The following PPP1R12A variants were observed in gnomAD, a reference collection of about 807,000 sequenced individuals.
PPP1R12A encodes myosin binding subunit.
In PPP1R12A, 19 loss-of-function variants were observed where a neutral mutation model predicts 139.6. That is an observed-to-expected ratio of 0.14 (90% CI 0.09 to 0.20). The LOEUF (loss-of-function observed/expected upper bound fraction) is 0.20. Among genes scored for constraint, PPP1R12A ranks in the 10% least tolerant of loss-of-function variants. The pLI, the probability that PPP1R12A is intolerant of heterozygous loss-of-function variation, is 1.00. For missense variants in PPP1R12A, 925 were observed against 1,211.5 expected (o/e 0.76, Z 3.51); for synonymous variants, 427 against 420.6 (o/e 1.02, Z -0.19).
intron 3 of PPP1R12A, among the ~76,000 whole-genome samples, chr12:79,842,051 C>G (rs1320836534): frequency 6.6e-6 from 1 of 151,774 alleles, no homozygotes; most frequent in East Asian, 1.9e-4. Flanking sequence ...TAGATGCGGT[C>G]GCTCATGCCT....
intron 1 of PPP1R12A, among the ~76,000 whole-genome samples, chr12:79,899,068 T>C (rs1885387918): frequency 6.6e-6 from 1 of 152,022 alleles, no homozygotes; most frequent in Non-Finnish European, 1.5e-5. Flanking sequence ...TCCACAGTCA[T>C]TTATTTACAC....
intron 1 of PPP1R12A, among the ~76,000 whole-genome samples, chr12:79,898,844 CCTT>C (rs1406941519): frequency 6.6e-6 from 1 of 152,182 alleles, no homozygotes; most frequent in African/African-American, 2.4e-5. Context: ...TCTTTTCCAT[CCTT>C]CTACATCCTA....
chr12:79,932,400 T>C (rs1888319301), intron 1 of PPP1R12A, among the ~76,000 whole-genome samples: 1 of 152,136 alleles, frequency 6.6e-6, no homozygotes, highest in Admixed American at 6.5e-5. Context: ...AGTTGATAAA[T>C]AAGAAATGAG....
intron 1 of PPP1R12A, among the ~76,000 whole-genome samples, chr12:79,897,581 G>GA (rs908308922): frequency 3.3e-5 from 5 of 151,536 alleles, no homozygotes; most frequent in Admixed American, 6.6e-5. Flanking sequence ...CAAAACAAAA[G>GA]AAAAAAAACA....
At chr12:79,923,822 C>G (rs988373734) in intron 1 of PPP1R12A, among the ~76,000 whole-genome samples, 2 of 152,154 alleles carry the variant, frequency 1.3e-5, no homozygotes, top group Non-Finnish European at 2.9e-5. Context: ...GCGAGTGGAT[C>G]ACCTGAGGTC....
At chr12:79,806,090 C>A in intron 13 of PPP1R12A, 76 bp downstream of exon 13, 1 of 1,472,946 alleles carries the variant, frequency 6.8e-7, no homozygotes. Context: ...CAGAGCCCCA[C>A]AATCTTCTAA....
At chr12:79,795,547 G>A in intron 18 of PPP1R12A, 91 bp downstream of exon 18, 1 of 1,269,460 alleles carries the variant, frequency 7.9e-7, no homozygotes, top group South Asian at 1.5e-5. Context: ...TGAAATCTAA[G>A]GCATATAAGA....
intron 8 of PPP1R12A, among the ~76,000 whole-genome samples, chr12:79,819,982 T>C (rs531276029): frequency 2.0e-5 from 3 of 148,836 alleles, no homozygotes; most frequent in East Asian, 4.0e-4. Flanking sequence ...TGGACAAATA[T>C]AAAAAACATA....
chr12:79,819,937 A>C (rs1875883674), intron 8 of PPP1R12A, among the ~76,000 whole-genome samples: 1 of 152,174 alleles, frequency 6.6e-6, no homozygotes, highest in Non-Finnish European at 1.5e-5. Context: ...TAGCTAAAAA[A>C]AAAAAATGCA....
At chr12:79,860,394 A>G (rs1881185398) in intron 2 of PPP1R12A, among the ~76,000 whole-genome samples, 1 of 152,216 alleles carries the variant, frequency 6.6e-6, no homozygotes, top group Non-Finnish European at 1.5e-5. Context: ...CACACTGAAT[A>G]AATGATAAAC....
At chr12:79,899,690 T>C (rs1885457830) in intron 1 of PPP1R12A, among the ~76,000 whole-genome samples, 1 of 152,210 alleles carries the variant, frequency 6.6e-6, no homozygotes, top group Admixed American at 6.5e-5. Context: ...TTGCTATGAA[T>C]AAGTCTTCTT....
chr12:79,805,589 C>A lies in PPP1R12A; in HGVS notation c.2000+3G>T, dbSNP rs1339062728. 1.2e-6 allele frequency: 2 copies of A among 1,613,430 alleles called. No homozygotes were observed. The highest frequency in any genetic ancestry group is 1.3e-5 in the African/African-American group (1 of 75,020). On this transcript the variant is annotated splice_donor_region_variant and intron_variant, in intron 14 of 24. Transcript: ENST00000450142. ...CAGCAGTACTGTTATGACCTTTACACACCTGCGTCTCTCCCTGACCTCTGT... is the reference window on the plus strand; with the variant it reads ...CAGCAGTACTGTTATGACCTTTACAAACCTGCGTCTCTCCCTGACCTCTGT...
intron 8 of PPP1R12A, among the ~76,000 whole-genome samples, chr12:79,819,673 G>A (rs1466672423): frequency 6.6e-6 from 1 of 152,158 alleles, no homozygotes; most frequent in Non-Finnish European, 1.5e-5. Context: ...TGAGCACAAT[G>A]GCTCATGCCT....
chr12:79,809,453 G>C (rs1874256743), intron 10 of PPP1R12A, among the ~76,000 whole-genome samples: 1 of 151,948 alleles, frequency 6.6e-6, no homozygotes, highest in Non-Finnish European at 1.5e-5. Context: ...TAACATTCTA[G>C]AATAAATGTG....
chr12:79,901,094 CA>C (rs1408715049), intron 1 of PPP1R12A, among the ~76,000 whole-genome samples: 2 of 152,058 alleles, frequency 1.3e-5, no homozygotes, highest in Non-Finnish European at 2.9e-5. Flanking sequence ...AGAACCGTTA[CA>C]GAAATATGAA....
chr12:79,870,677 CTT>C (rs1007160506), intron 2 of PPP1R12A, among the ~76,000 whole-genome samples: 1 of 152,134 alleles, frequency 6.6e-6, no homozygotes, highest in Non-Finnish European at 1.5e-5. Context: ...AAAAAGGTCA[CTT>C]TTGTTTGCAC....
chr12:79,810,674 A>G (rs1874415768), intron 9 of PPP1R12A, among the ~76,000 whole-genome samples: 1 of 152,176 alleles, frequency 6.6e-6, no homozygotes, highest in African/African-American at 2.4e-5. Flanking sequence ...ACTGGGAACA[A>G]GTTCTAATTT....
chr12:79,935,151 G>A, upstream of PPP1R12A: 2 of 1,347,418 alleles, frequency 1.5e-6, no homozygotes, highest in Non-Finnish European at 1.9e-6. Context: ...AAGCCCTCCC[G>A]CCCCCAGCAC....
At chr12:79,935,184 A>G (rs1235963160), upstream of PPP1R12A, 5 of 1,331,242 alleles carry the variant, frequency 3.8e-6, no homozygotes, top group Admixed American at 1.6e-4. Flanking sequence ...CCGGCGGCCA[A>G]TCTAACGTAA....
Sources: allele counts gnomAD v4.1 joint callset (sites outside exome capture counted in the v4.1 genomes callset), GRCh38; gene constraint gnomAD v4.1.1; transcripts MANE v1.5; gene names NCBI Gene and HGNC (gene_info 2026-07-23, HGNC 2026-07-21).